The following LRRC4C variants were observed in gnomAD, a reference collection of about 807,000 sequenced individuals.
LRRC4C encodes the protein leucine rich repeat containing 4C, also known as leucine-rich repeat-containing protein 4C.
Under a neutral mutation model 33.6 loss-of-function variants are expected in LRRC4C, and 5 were observed. That is an observed-to-expected ratio of 0.15 (90% CI 0.08 to 0.31). The LOEUF (loss-of-function observed/expected upper bound fraction) is 0.31, where lower values mean the gene tolerates loss of function less well. Ranked by LOEUF, LRRC4C falls within the 10% of genes least tolerant of loss-of-function variation. The probability of loss-of-function intolerance (pLI) is 1.00; values close to 1 mark genes in which losing one functional copy is unlikely to be tolerated. For synonymous variants in LRRC4C, 329 were observed against 302.0 expected, an observed-to-expected ratio of 1.09 and a Z score of -0.93; for missense variants, 560 against 796.7, an observed-to-expected ratio of 0.70 and a Z score of 3.58.
chr11:41,156,805 G>C (rs947291038), intron 1 of LRRC4C, among the ~76,000 whole-genome samples: 1 of 152,002 alleles, frequency 6.6e-6, no homozygotes, highest in Non-Finnish European at 1.5e-5. Context: ...GAAGAGGTGA[G>C]GAAATTAGCC....
At position 40,116,305 on chromosome 11, in the gene LRRC4C, TG is replaced by T. The variant is rs1305042163; in HGVS notation, c.-14del. ...TCTTGTTCAACATTCATAATTTATC[TG>T]GTGTTGGTCCTTCTGGAATTCAAAC... On this transcript the variant is annotated 5_prime_UTR_variant, in exon 7 of 7. Transcript: ENST00000528697. 1.3e-6 allele frequency: 2 copies of T among 1,576,986 alleles called. No individual in the cohort carries two copies. The highest frequency in any genetic ancestry group is 1.7e-6 in the Non-Finnish European group (2 of 1,157,768).
At chr11:40,149,251 CA>C (rs1857990994) in intron 5 of LRRC4C, among the ~76,000 whole-genome samples, 1 of 152,154 alleles carries the variant, frequency 6.6e-6, no homozygotes, top group African/African-American at 2.4e-5. Flanking sequence ...ATAGGAATAT[CA>C]GTTAATCTAT....
At chr11:40,608,959 A>C (rs973749712) in intron 3 of LRRC4C, among the ~76,000 whole-genome samples, 2 of 152,148 alleles carry the variant, frequency 1.3e-5, no homozygotes, top group Admixed American at 6.6e-5. Flanking sequence ...GGAGAAACAG[A>C]GAGCAACACA....
intron 2 of LRRC4C, among the ~76,000 whole-genome samples, chr11:40,702,315 C>T (rs1327877401): frequency 4.6e-5 from 7 of 152,096 alleles, no homozygotes. Flanking sequence ...ATTAATTTGA[C>T]TAAATAATCA....
At chr11:40,242,081 G>A (rs1431860268) in intron 4 of LRRC4C, among the ~76,000 whole-genome samples, 2 of 152,162 alleles carry the variant, frequency 1.3e-5, no homozygotes, top group African/African-American at 2.4e-5. Context: ...GCCTGGACAA[G>A]TCCTTCAAAA....
intron 2 of LRRC4C, among the ~76,000 whole-genome samples, chr11:40,714,881 A>G (rs1197737149): frequency 6.6e-6 from 1 of 152,200 alleles, no homozygotes; most frequent in African/African-American, 2.4e-5. Flanking sequence ...TTATATGGAA[A>G]TAATGATATG....
intron 3 of LRRC4C, among the ~76,000 whole-genome samples, chr11:40,631,363 G>T (rs1175637597): frequency 6.6e-6 from 1 of 152,138 alleles, no homozygotes; most frequent in Non-Finnish European, 1.5e-5. Flanking sequence ...GATAGGGTGA[G>T]GGTGGTGCCC....
intron 4 of LRRC4C, among the ~76,000 whole-genome samples, chr11:40,263,015 C>T (rs1417127102): frequency 6.6e-6 from 1 of 151,336 alleles, no homozygotes; most frequent in Non-Finnish European, 1.5e-5. Flanking sequence ...TTGGCCAGAG[C>T]TTACATCTCC....
At chr11:41,417,843 A>G (rs1262635356) in intron 1 of LRRC4C, among the ~76,000 whole-genome samples, 1 of 150,914 alleles carries the variant, frequency 6.6e-6, no homozygotes, top group East Asian at 2.0e-4. Context: ...TTTAATCCCT[A>G]TTTTTTTCTA....
At chr11:40,819,171 A>G (rs1279402751) in intron 2 of LRRC4C, among the ~76,000 whole-genome samples, 1 of 152,178 alleles carries the variant, frequency 6.6e-6, no homozygotes, top group Non-Finnish European at 1.5e-5. Flanking sequence ...ATTCACAAAT[A>G]TGTGCAGAAG....
intron 1 of LRRC4C, among the ~76,000 whole-genome samples, chr11:41,158,407 A>C (rs1222470681): frequency 1.3e-5 from 2 of 152,132 alleles, no homozygotes; most frequent in Non-Finnish European, 2.9e-5. Flanking sequence ...AGACAAATAA[A>C]AGGGAGGTAG....
intron 1 of LRRC4C, among the ~76,000 whole-genome samples, chr11:41,304,171 TG>T (rs1385191029): frequency 3.9e-3 from 147 of 37,332 alleles, no homozygotes; most frequent in Middle Eastern, 0.014. Flanking sequence ...GGGAGGGAGG[TG>T]GGGGGGTCAG....
chr11:40,666,979 G>A (rs1231880952), intron 2 of LRRC4C, among the ~76,000 whole-genome samples: 1 of 152,142 alleles, frequency 6.6e-6, no homozygotes, highest in Admixed American at 6.5e-5. Flanking sequence ...GCCATCAATG[G>A]TTTTTGTCAA....
At chr11:40,473,557 C>T (rs531564570) in intron 3 of LRRC4C, among the ~76,000 whole-genome samples, 2 of 152,220 alleles carry the variant, frequency 1.3e-5, no homozygotes, top group East Asian at 3.9e-4. Flanking sequence ...CAAGGAAGCC[C>T]TCTCTCACCA....
chr11:41,261,930 C>T (rs1450923058), intron 1 of LRRC4C, among the ~76,000 whole-genome samples: 2 of 151,932 alleles, frequency 1.3e-5, no homozygotes, highest in Non-Finnish European at 2.9e-5. Context: ...TGTGCATGTC[C>T]AGGATGGAAC....
intron 2 of LRRC4C, among the ~76,000 whole-genome samples, chr11:40,889,426 G>A (rs1565172816): frequency 6.6e-6 from 1 of 151,962 alleles, no homozygotes; most frequent in East Asian, 1.9e-4. Context: ...TCCATTGTGG[G>A]GAGAGTTTAT....
chr11:40,336,976 C>CAAAA lies in LRRC4C; in HGVS notation c.-269-17259_-269-17256dup, dbSNP rs34144874. Among the ~76,000 whole-genome samples, 430 of 79,208 alleles carry CAAAA rather than the reference C, an allele frequency of 5.4e-3. 36 individuals are homozygous for CAAAA. Among genetic ancestry groups the CAAAA allele is most frequent in the African/African-American group, 0.015 (192 of 12,818 alleles). 52.0% of individuals were successfully genotyped at this position (79,208 alleles called of 152,430 possible). A position where few individuals can be genotyped will look rare whatever the true frequency, so the allele number is the denominator to read the frequency against. Reference sequence around the variant, plus strand: ...TGGGGGACAGAGCGAGACTTCGTCTCAAAAAAAAAAAAAAAAAAAAAAAAA... The same window carrying CAAAA: ...TGGGGGACAGAGCGAGACTTCGTCTCAAAAAAAAAAAAAAAAAAAAAAAAAAAAA... On this transcript the variant is annotated intron_variant, in intron 3 of 6. Coordinates refer to ENST00000528697, the MANE Select transcript of LRRC4C (RefSeq NM_001258419.2).
intron 1 of LRRC4C, among the ~76,000 whole-genome samples, chr11:41,051,181 T>C (rs747936697): frequency 2.0e-5 from 3 of 152,208 alleles, no homozygotes; most frequent in South Asian, 2.1e-4. Context: ...AAAAGCTCTC[T>C]GCTGTTCTGT....
At chr11:40,892,739 A>T (rs925703727) in intron 2 of LRRC4C, among the ~76,000 whole-genome samples, 1 of 152,196 alleles carries the variant, frequency 6.6e-6, no homozygotes, top group African/African-American at 2.4e-5. Context: ...GAATAGGAAA[A>T]TATGTAAAGA....
Sources: allele counts gnomAD v4.1 joint callset (sites outside exome capture counted in the v4.1 genomes callset), GRCh38; gene constraint gnomAD v4.1.1; transcripts MANE v1.5; gene names NCBI Gene and HGNC (gene_info 2026-07-23, HGNC 2026-07-21).